The following NOL4 variants were observed in gnomAD, a reference collection of about 807,000 sequenced individuals.
NOL4 encodes the protein cancer/testis antigen 125.
Under a neutral mutation model 75.9 loss-of-function variants are expected in NOL4, and 17 were observed. The ratio of observed to expected loss-of-function variants is 0.22; its 90% CI spans 0.15 to 0.34. The LOEUF (loss-of-function observed/expected upper bound fraction) is 0.34. Ranked by LOEUF, NOL4 falls within the 10% of genes least tolerant of loss-of-function variation. The pLI is 1.00. For missense variants in NOL4, 614 were observed against 793.5 expected (o/e 0.77, Z 2.72); for synonymous variants, 292 against 289.9 (o/e 1.01, Z -0.07).
chr18:34,110,202 A>G (rs1393890455), intron 2 of NOL4, among the ~76,000 whole-genome samples: 1 of 150,356 alleles, frequency 6.7e-6, no homozygotes, highest in Non-Finnish European at 1.5e-5. Context: ...TCATGTCAGC[A>G]TTACCTTGAT....
chr18:34,057,982 T>G (rs566658989), intron 5 of NOL4, among the ~76,000 whole-genome samples: 1 of 152,298 alleles, frequency 6.6e-6, no homozygotes, highest in African/African-American at 2.4e-5. Flanking sequence ...ATTTTCCAGT[T>G]ATTTTTTCTC....
chr18:33,893,615 C>G (rs1568022233), intron 9 of NOL4, among the ~76,000 whole-genome samples: 1 of 152,106 alleles, frequency 6.6e-6, no homozygotes, highest in African/African-American at 2.4e-5. Context: ...ACTTTATATT[C>G]TCTACCATCG....
intron 6 of NOL4, among the ~76,000 whole-genome samples, chr18:34,010,766 T>A (rs556221622): frequency 5.9e-5 from 9 of 152,026 alleles, no homozygotes; most frequent in Admixed American, 3.3e-4. Context: ...TGAGATCACA[T>A]CTCATAGTAG....
In NOL4 at chr18:34,104,148, G is replaced by T; in HGVS notation, c.538C>A (p.Pro180Thr). ...ATCATGCTGGTCACCAAAGTGGGAG[G>T]TTTTCCATTATCTGTAATAAAACAT... ...DGTDHKDNGK[P>T]PTLVTSMIDY... The change falls in exon 4 of 11, where the codon CCT (proline) becomes ACT (threonine). Residue 180 changes from proline (P) to threonine (T), a missense_variant. Pro to Thr is a conservative substitution (Grantham distance 38, BLOSUM62 -1). Transcript: ENST00000261592. 1 of 1,607,932 alleles carries T rather than the reference G, an allele frequency of 6.2e-7. No individual in the cohort carries two copies.
chr18:33,923,021 C>T (rs113270902), intron 9 of NOL4, among the ~76,000 whole-genome samples: 11 of 152,114 alleles, frequency 7.2e-5, no homozygotes, highest in Admixed American at 5.2e-4. Context: ...CCATACTATT[C>T]ATACTGTATA....
chr18:34,005,487 C>T (rs2073983835), intron 6 of NOL4, among the ~76,000 whole-genome samples: 1 of 152,008 alleles, frequency 6.6e-6, no homozygotes, highest in African/African-American at 2.4e-5. Flanking sequence ...CTTTCTGGGC[C>T]TCATCCTCAC....
intron 4 of NOL4, among the ~76,000 whole-genome samples, chr18:34,095,518 A>G (rs1030638797): frequency 2.6e-5 from 4 of 152,048 alleles, no homozygotes; most frequent in Admixed American, 6.6e-5. Context: ...CAGTTATTAG[A>G]TATGCTACCT....
At chr18:34,018,855 C>A (rs2074862956) in intron 6 of NOL4, among the ~76,000 whole-genome samples, 2 of 152,078 alleles carry the variant, frequency 1.3e-5, no homozygotes, top group South Asian at 4.1e-4. Flanking sequence ...TATTTAGTGT[C>A]CACAAAGAAA....
At chr18:33,858,850 T>C (rs1025861480) in intron 10 of NOL4, among the ~76,000 whole-genome samples, 19 of 152,116 alleles carry the variant, frequency 1.2e-4, no homozygotes, top group African/African-American at 4.6e-4. Flanking sequence ...GTTTGTGTAA[T>C]GGTTACAAGT....
intron 8 of NOL4, among the ~76,000 whole-genome samples, chr18:33,945,402 T>C (rs1275891515): frequency 6.6e-6 from 1 of 151,800 alleles, no homozygotes; most frequent in African/African-American, 2.4e-5. Flanking sequence ...GTAAGTAAAA[T>C]ACCCCTTCAA....
chr18:34,120,537 G>A (rs1295158398), intron 2 of NOL4, among the ~76,000 whole-genome samples: 1 of 152,084 alleles, frequency 6.6e-6, no homozygotes, highest in African/African-American at 2.4e-5. Context: ...ATGAGTATGT[G>A]GTCAAATTTA....
At chr18:34,025,320 G>A in intron 5 of NOL4, among the ~76,000 whole-genome samples, 1 of 152,072 alleles carries the variant, frequency 6.6e-6, no homozygotes, top group East Asian at 1.9e-4. Context: ...TAATTACCTT[G>A]GTTAACAAAC....
chr18:34,031,236 GT>G (rs1287234335), intron 5 of NOL4, among the ~76,000 whole-genome samples: 1 of 152,170 alleles, frequency 6.6e-6, no homozygotes, highest in Non-Finnish European at 1.5e-5. Flanking sequence ...ATCTAGCGCA[GT>G]GCTAGTCCCC....
At chr18:33,877,121 C>A (rs2063974064) in intron 10 of NOL4, among the ~76,000 whole-genome samples, 1 of 151,976 alleles carries the variant, frequency 6.6e-6, no homozygotes, top group Admixed American at 6.6e-5. Context: ...GCATGCCATA[C>A]TGATTAATCT....
chr18:33,910,045 C>T (rs1317711816), intron 9 of NOL4, among the ~76,000 whole-genome samples: 1 of 152,194 alleles, frequency 6.6e-6, no homozygotes, highest in East Asian at 1.9e-4. Context: ...TGTGTGTCCA[C>T]ACTACACAGA....
rs527645792 is a variant in NOL4, at chr18:33,909,981, A to T, written c.1543-26557T>A. 2.2e-4 allele frequency among the ~76,000 whole-genome samples: 34 copies of T among 152,346 alleles called. No individual in the cohort carries two copies. The South Asian group carries it at 6.6e-3, about 30-fold the overall frequency. On this transcript the variant is annotated intron_variant, in intron 9 of 10. Transcript: ENST00000261592. The stretch of plus-strand genomic sequence containing the variant: ...GATAAGCCATCAAAAGAATGATTTT[A>T]AAAAGGCAGTCATGTGAAGACATAG...
chr18:33,934,472 T>C (rs1004159894), intron 9 of NOL4, among the ~76,000 whole-genome samples: 3 of 152,186 alleles, frequency 2.0e-5, no homozygotes, highest in African/African-American at 7.2e-5. Flanking sequence ...ACTACGATGA[T>C]GTAGTGATTT....
chr18:33,887,022 T>G (rs1177152069), intron 9 of NOL4, among the ~76,000 whole-genome samples: 5 of 140,462 alleles, frequency 3.6e-5, no homozygotes, highest in Non-Finnish European at 6.1e-5. Flanking sequence ...TATATATCTA[T>G]ATATCTAGAT....
intron 6 of NOL4, among the ~76,000 whole-genome samples, chr18:33,979,294 G>A (rs929876489): frequency 2.6e-5 from 4 of 151,922 alleles, no homozygotes; most frequent in Non-Finnish European, 5.9e-5. Flanking sequence ...GCAAAAAGAA[G>A]ACAATGATAA....
Sources: allele counts gnomAD v4.1 joint callset (sites outside exome capture counted in the v4.1 genomes callset), GRCh38; gene constraint gnomAD v4.1.1; transcripts MANE v1.5; gene names NCBI Gene and HGNC (gene_info 2026-07-23, HGNC 2026-07-21).